The following PDPN variants were observed in gnomAD, a reference collection of about 807,000 sequenced individuals.
PDPN encodes podoplanin, also known as PA2.26 antigen.
A neutral mutation model predicts 23.2 loss-of-function variants in PDPN; 12 were observed. The observed-to-expected ratio is 0.52, with a 90% confidence interval of 0.33 to 0.84. The LOEUF (loss-of-function observed/expected upper bound fraction) is 0.84, where lower values mean the gene tolerates loss of function less well. Ranked by LOEUF, PDPN falls within the 40% of genes least tolerant of loss-of-function variation. The pLI is 0.02. For missense variants in PDPN, 199 were observed against 212.2 expected (o/e 0.94, Z 0.39); for synonymous variants, 77 against 76.7 (o/e 1.00, Z -0.02).
chr1:13,615,137 C>T lies in PDPN; in HGVS notation c.482+726C>T, dbSNP rs544778966. The stretch of plus-strand genomic sequence containing the variant: ...GGGTCTTTTTCATTGAGATCTTCCG[C>T]TCTTGCCCTGCGTGCACCCACATAC... On this transcript the variant is annotated intron_variant, in intron 5 of 5. Transcript: ENST00000621990. Among the ~76,000 whole-genome samples the T allele has an allele frequency of 1.4e-4, 21 of 152,318 alleles. No homozygotes were observed. In the East Asian group the frequency reaches 3.9e-3, roughly 28 times the overall value.
At chr1:13,598,945 A>T (rs1570031820) in intron 1 of PDPN, among the ~76,000 whole-genome samples, 1 of 150,816 alleles carries the variant, frequency 6.6e-6, no homozygotes, top group African/African-American at 2.4e-5. Flanking sequence ...GCATTCAGGT[A>T]TATGTGCCGT....
rs1570001882 is a variant in PDPN at position 13,585,317 on chromosome 1, A to G, written c.67+1217A>G. On this transcript the variant is annotated intron_variant, in intron 1 of 5. Transcript: ENST00000621990. Reference sequence around the variant, plus strand: ...ATACCCAATCTCAGGGAAATGACAGAGTTCTGCTCTATGCTGTGCTGTCTG... The same window carrying G: ...ATACCCAATCTCAGGGAAATGACAGGGTTCTGCTCTATGCTGTGCTGTCTG... The G allele has an allele frequency of 1.8e-5, 5 of 276,580 alleles. No individual in the cohort carries two copies. The East Asian group carries it at 5.0e-4, about 27-fold the overall frequency. 17.1% of individuals were successfully genotyped at this position (276,580 alleles called of 1,614,324 possible).
chr1:13,584,272 C>A lies in PDPN; in HGVS notation c.67+172C>A, dbSNP rs1047271532. ...GGAGGAGGAGAGGCAGCGGCTTAGT[C>A]GGTGCCAGGTCCCAAAGACGCAGCT... On this transcript the variant is annotated intron_variant, in intron 1 of 5. Coordinates refer to ENST00000621990, the MANE Select transcript of PDPN (RefSeq NM_006474.5). The A allele has an allele frequency of 2.6e-6, 4 of 1,530,636 alleles. No individual in the cohort carries two copies. The African/African-American group carries it at 4.1e-5, about 16-fold the overall frequency. The allele number at this position is 1,530,636 out of a possible 1,614,324, so 94.8% of individuals were successfully genotyped here.
chr1:13,592,040 C>A (rs944479523), intron 1 of PDPN, among the ~76,000 whole-genome samples: 1 of 152,230 alleles, frequency 6.6e-6, no homozygotes, highest in African/African-American at 2.4e-5. Flanking sequence ...CTGGTAGTTT[C>A]AATTTGCATT....
intron 1 of PDPN, among the ~76,000 whole-genome samples, chr1:13,584,792 C>A (rs750040713): frequency 6.6e-6 from 1 of 152,026 alleles, no homozygotes; most frequent in Non-Finnish European, 1.5e-5. Flanking sequence ...TCTTGGGCAA[C>A]AACATCAGTG....
Position 13,616,337 on chromosome 1 carries a change from A to G in PDPN, c.*426A>G, listed in dbSNP as rs559158771. The G allele has an allele frequency of 3.4e-5, 7 of 203,152 alleles. No individual in the cohort carries two copies. Among genetic ancestry groups the G allele is most frequent in the Non-Finnish European group, 6.1e-5 (6 of 99,138 alleles). 12.6% of individuals were successfully genotyped at this position (203,152 alleles called of 1,614,324 possible). A position where few individuals can be genotyped will look rare whatever the true frequency, so the allele number is the denominator to read the frequency against. On this transcript the variant is annotated 3_prime_UTR_variant, in exon 6 of 6. Coordinates refer to ENST00000621990, the MANE Select transcript of PDPN (RefSeq NM_006474.5). Reference sequence around the variant, plus strand: ...CCACGGAGTCCTTGGATCCAGTGCTACGTCAGTAAATAGCACCAGCATTTT... The same window carrying G: ...CCACGGAGTCCTTGGATCCAGTGCTGCGTCAGTAAATAGCACCAGCATTTT...
At chr1:13,597,407 A>G (rs1640524955) in intron 1 of PDPN, among the ~76,000 whole-genome samples, 1 of 152,212 alleles carries the variant, frequency 6.6e-6, no homozygotes, top group Admixed American at 6.5e-5. Flanking sequence ...TCCCGAGGGT[A>G]ACTCAGCTTG....
At chr1:13,610,664 A>C (rs944376161) in intron 3 of PDPN, 148 bp downstream of exon 3, 3 of 779,146 alleles carry the variant, frequency 3.9e-6, no homozygotes, top group Middle Eastern at 6.8e-4. Context: ...GTAGGTTCAG[A>C]ATTCTATTTC....
chr1:13,607,325 G>A lies in PDPN; in HGVS notation c.201+19G>A, dbSNP rs768275276. 7 of 1,607,574 alleles carry A rather than the reference G, an allele frequency of 4.4e-6. No homozygotes were observed. In the South Asian group the frequency reaches 7.8e-5, roughly 18 times the overall value. ...AACTCTGGTCAGTGTCCTGGGAAGA[G>A]AGGAATTTTTTCCGTAGGCATGTGA... On this transcript the variant is annotated intron_variant, in intron 2 of 5. Transcript: ENST00000621990.
rs1640104849 is a variant in PDPN at position 13,583,897 on chromosome 1, C to T, written c.-137C>T. On this transcript the variant is annotated 5_prime_UTR_variant, in exon 1 of 6. Coordinates refer to ENST00000621990, the MANE Select transcript of PDPN (RefSeq NM_006474.5). ...GCTCGGGCACCCTCCCTCTCCGGGG[C>T]TCCTGCTCCCACCCCTCCGGCCCCC... The T allele has an allele frequency of 6.2e-7, 1 of 1,611,426 alleles. No homozygotes were observed. Among genetic ancestry groups the T allele is most frequent in the Non-Finnish European group, 8.5e-7 (1 of 1,178,584 alleles).
In PDPN at chr1:13,609,349, C is replaced by CAG. The variant is rs200373563; in HGVS notation, c.202-1034_202-1033dup. ...CCCCAGAATGCCAGCTTCAAGAGAG[C>CAG]AGAGAATTTATATTATTCACATTAT... On this transcript the variant is annotated intron_variant, in intron 2 of 5. Transcript: ENST00000621990. Among the ~76,000 whole-genome samples the CAG allele has an allele frequency of 4.8e-3, 734 of 152,224 alleles. 6 individuals carry two copies. The highest frequency in any genetic ancestry group is 0.016 in the African/African-American group (681 of 41,538).
chr1:13,598,305 C>G lies in PDPN; in HGVS notation c.68-8868C>G, dbSNP rs552124816. On this transcript the variant is annotated intron_variant, in intron 1 of 5. Coordinates refer to ENST00000621990, the MANE Select transcript of PDPN (RefSeq NM_006474.5). ...GCACTGGGATTATAGGTGTGAGCCA[C>G]CATGCCTGTCCCGCATTTATTTCTG... Among the ~76,000 whole-genome samples the G allele has an allele frequency of 2.0e-5, 3 of 152,246 alleles. No homozygotes were observed. The South Asian group carries it at 6.2e-4, about 32-fold the overall frequency.
intron 1 of PDPN, among the ~76,000 whole-genome samples, chr1:13,600,629 T>C (rs1049980993): frequency 6.6e-6 from 1 of 152,146 alleles, no homozygotes; most frequent in African/African-American, 2.4e-5. Context: ...CCTCCCAAAG[T>C]GCTGGGATTA....
At chr1:13,593,080 T>C (rs560689079) in intron 1 of PDPN, among the ~76,000 whole-genome samples, 114 of 152,322 alleles carry the variant, frequency 7.5e-4, no homozygotes, top group African/African-American at 2.5e-3. Flanking sequence ...TTTTAATTAT[T>C]TGTGTACATA....
chr1:13,601,431 C>T lies in PDPN; in HGVS notation c.68-5742C>T, dbSNP rs149722879. 5.0e-3 allele frequency among the ~76,000 whole-genome samples: 755 copies of T among 152,290 alleles called. 7 individuals carry two copies. The highest frequency in any genetic ancestry group is 8.1e-3 in the Admixed American group (124 of 15,302). On this transcript the variant is annotated intron_variant, in intron 1 of 5. Transcript: ENST00000621990. ...CAGTGCAGTGGCACAATCTTGGCTC[C>T]CTGCAACGTCTGCCTCCTGGGTTCA... is the stretch of plus-strand genomic sequence containing the variant.
At chr1:13,600,379 T>G (rs1297839448) in intron 1 of PDPN, among the ~76,000 whole-genome samples, 1 of 152,046 alleles carries the variant, frequency 6.6e-6, no homozygotes, top group African/African-American at 2.4e-5. Context: ...CTCTTTTTTT[T>G]TTTTTGAGAT....
At chr1:13,603,886 C>G (rs1183115933) in intron 1 of PDPN, among the ~76,000 whole-genome samples, 12 of 152,138 alleles carry the variant, frequency 7.9e-5, no homozygotes, top group African/African-American at 2.4e-4. Flanking sequence ...CGCGCCCAGC[C>G]CTGCCTAGCT....
At chr1:13,591,445 T>C (rs1640340950) in intron 1 of PDPN, among the ~76,000 whole-genome samples, 1 of 152,154 alleles carries the variant, frequency 6.6e-6, no homozygotes, top group Non-Finnish European at 1.5e-5. Flanking sequence ...ATCACCACTA[T>C]CAATTTTAGA....
rs12126475 is a variant in PDPN at position 13,606,430 on chromosome 1, G to C, written c.68-743G>C. Among the ~76,000 whole-genome samples, 1,522 of 152,286 alleles carry C rather than the reference G, an allele frequency of 1.0e-2. 17 individuals carry two copies. Among genetic ancestry groups the C allele is most frequent in the East Asian group, 0.05 (258 of 5,182 alleles). Reference sequence around the variant, plus strand: ...AGGTAAAACTCCATGTAATCTACGAGGTCTGTGGTCAGAGCCTGTGGTTCT... The same window carrying C: ...AGGTAAAACTCCATGTAATCTACGACGTCTGTGGTCAGAGCCTGTGGTTCT... On this transcript the variant is annotated intron_variant, in intron 1 of 5. Transcript: ENST00000621990.
Sources: allele counts gnomAD v4.1 joint callset (sites outside exome capture counted in the v4.1 genomes callset), GRCh38; gene constraint gnomAD v4.1.1; transcripts MANE v1.5; gene names NCBI Gene and HGNC (gene_info 2026-07-23, HGNC 2026-07-21).